Variants in CCDC91 observed in about 807,000 individuals in gnomAD.
The protein encoded by CCDC91 is coiled-coil domain-containing protein 91.
In CCDC91, 48 loss-of-function variants were observed where a neutral mutation model predicts 63.2. The observed-to-expected ratio is 0.76, with a 90% CI of 0.60 to 0.97. CCDC91 has a LOEUF of 0.97. Among genes scored for constraint, CCDC91 ranks in the 50% least tolerant of loss-of-function variants. The probability of loss-of-function intolerance (pLI) is 0.00; values close to 1 mark genes in which losing one functional copy is unlikely to be tolerated. For synonymous variants in CCDC91, 167 were observed against 165.8 expected, an observed-to-expected ratio of 1.01 and a Z score of -0.06; for missense variants, 500 against 494.6, an observed-to-expected ratio of 1.01 and a Z score of -0.10.
At chr12:28,240,228 T>G (rs1186098223) in intron 1 of CCDC91, among the ~76,000 whole-genome samples, 1 of 152,174 alleles carries the variant, frequency 6.6e-6, no homozygotes, top group African/African-American at 2.4e-5. Context: ...GATTCCCTCT[T>G]ATGCATGTTT....
At chr12:28,457,763 TAAG>T (rs1416636288) in intron 11 of CCDC91, among the ~76,000 whole-genome samples, 4 of 151,952 alleles carry the variant, frequency 2.6e-5, no homozygotes, top group Admixed American at 6.6e-5. Flanking sequence ...TCTGAGATAA[TAAG>T]AGGAAAATTT....
rs117255778 is a variant in CCDC91, at chr12:28,374,516, C to T, written c.654+12001C>T. ...TATTAATTTAAACCTTAATAAAGTG[C>T]CATATTTATTTTCCTCATGGATAAT... On this transcript the variant is annotated intron_variant, in intron 7 of 12. Transcript: ENST00000536442. Among the ~76,000 whole-genome samples, 903 of 152,238 alleles carry T rather than the reference C, an allele frequency of 5.9e-3. 8 individuals are homozygous for T. The highest frequency in any genetic ancestry group is 0.01 in the Non-Finnish European group (704 of 67,996).
At chr12:28,331,124 A>G (rs762554381) in intron 6 of CCDC91, among the ~76,000 whole-genome samples, 10 of 152,230 alleles carry the variant, frequency 6.6e-5, no homozygotes, top group Non-Finnish European at 1.5e-4. Context: ...AATGTATTAA[A>G]AAGATTAGGA....
intron 12 of CCDC91, among the ~76,000 whole-genome samples, chr12:28,511,321 A>G (rs1379251778): frequency 6.6e-6 from 1 of 151,910 alleles, no homozygotes; most frequent in Non-Finnish European, 1.5e-5. Context: ...CGGCATTCCC[A>G]TACATGAAAT....
At chr12:28,540,662 T>A (rs566678036) in intron 12 of CCDC91, among the ~76,000 whole-genome samples, 6 of 152,236 alleles carry the variant, frequency 3.9e-5, no homozygotes, top group Non-Finnish European at 2.9e-5. Flanking sequence ...ACCAAGAGAA[T>A]AAAAATTTGA....
chr12:28,412,742 C>G (rs1327519543), intron 8 of CCDC91: 1 of 453,620 alleles, frequency 2.2e-6, no homozygotes, highest in African/African-American at 2.0e-5. Context: ...TGTTCCATTT[C>G]TGTCCTTTCA....
At chr12:28,222,709 C>T (rs1944027355) in intron 1 of CCDC91, among the ~76,000 whole-genome samples, 1 of 152,112 alleles carries the variant, frequency 6.6e-6, no homozygotes, top group Non-Finnish European at 1.5e-5. Flanking sequence ...TGAAATGGAT[C>T]TAATTTGGTC....
chr12:28,284,954 A>T (rs1276748584), intron 3 of CCDC91, among the ~76,000 whole-genome samples: 1 of 152,194 alleles, frequency 6.6e-6, no homozygotes, highest in African/African-American at 2.4e-5. Context: ...CTTTGTATGA[A>T]CTCAACGTTT....
chr12:28,407,528 C>CT lies in CCDC91; in HGVS notation c.762+16121dup, dbSNP rs141730439. Among the ~76,000 whole-genome samples, 687 of 152,230 alleles carry CT rather than the reference C, an allele frequency of 4.5e-3. 5 individuals carry two copies. Among genetic ancestry groups the CT allele is most frequent in the African/African-American group, 0.016 (661 of 41,546 alleles). On this transcript the variant is annotated intron_variant, in intron 8 of 12. Coordinates refer to ENST00000536442, the MANE Select transcript of CCDC91 (RefSeq NM_018318.5). ...TTAGGTTCTTTGCATTTCCACATAA[C>CT]TTTTATAATCCAGTATTGTTTTTAT...
chr12:28,450,295 C>G (rs1592709330), intron 9 of CCDC91, 42 bp downstream of exon 9: 2 of 1,577,122 alleles, frequency 1.3e-6, no homozygotes, highest in Non-Finnish European at 1.7e-6. Context: ...AGAATGTGTT[C>G]TGTTACCTCA....
At chr12:28,268,021 T>G (rs1189077597) in intron 3 of CCDC91, among the ~76,000 whole-genome samples, 5 of 129,478 alleles carry the variant, frequency 3.9e-5, no homozygotes, top group Non-Finnish European at 7.8e-5. Flanking sequence ...GATTAATAAT[T>G]TAATTATTAA....
chr12:28,493,560 A>G (rs984945648), intron 12 of CCDC91, among the ~76,000 whole-genome samples: 4 of 151,686 alleles, frequency 2.6e-5, no homozygotes, highest in Non-Finnish European at 5.9e-5. Flanking sequence ...TGCATGGAAT[A>G]TGCCCCAACA....
intron 6 of CCDC91, among the ~76,000 whole-genome samples, chr12:28,339,980 A>G (rs923065732): frequency 6.6e-6 from 1 of 152,224 alleles, no homozygotes; most frequent in Admixed American, 6.5e-5. Flanking sequence ...ATGTATATAT[A>G]CACACACTAC....
intron 3 of CCDC91, among the ~76,000 whole-genome samples, chr12:28,273,488 C>T (rs573251651): frequency 2.4e-4 from 36 of 152,264 alleles, no homozygotes; most frequent in African/African-American, 8.4e-4. Context: ...TCTCCACATC[C>T]TCTCCAGCAC....
intron 1 of CCDC91, among the ~76,000 whole-genome samples, chr12:28,211,616 G>T (rs985608714): frequency 1.3e-5 from 2 of 152,188 alleles, no homozygotes; most frequent in Admixed American, 6.5e-5. Flanking sequence ...TGTTTAGTAA[G>T]ATTTTGTCAT....
At chr12:28,291,021 G>A (rs918844081) in intron 3 of CCDC91, among the ~76,000 whole-genome samples, 1 of 152,084 alleles carries the variant, frequency 6.6e-6, no homozygotes, top group African/African-American at 2.4e-5. Context: ...AAAATGTTAG[G>A]TTGGTGCAAA....
At chr12:28,288,738 A>C (rs1194371119) in intron 3 of CCDC91, among the ~76,000 whole-genome samples, 1 of 152,124 alleles carries the variant, frequency 6.6e-6, no homozygotes, top group Non-Finnish European at 1.5e-5. Context: ...AGTTTCTTGG[A>C]ATAGTTTCAG....
intron 3 of CCDC91, among the ~76,000 whole-genome samples, chr12:28,276,000 C>T (rs1948193418): frequency 6.6e-6 from 1 of 152,006 alleles, no homozygotes; most frequent in Admixed American, 6.6e-5. Flanking sequence ...CTATGACAAA[C>T]CCACAGCCAA....
chr12:28,377,505 G>A (rs1945022788), intron 7 of CCDC91, among the ~76,000 whole-genome samples: 2 of 151,892 alleles, frequency 1.3e-5, no homozygotes, highest in African/African-American at 4.8e-5. Context: ...CTGATTTAAA[G>A]GCGTATTTAT....
Sources: allele counts gnomAD v4.1 joint callset (sites outside exome capture counted in the v4.1 genomes callset), GRCh38; gene constraint gnomAD v4.1.1; transcripts MANE v1.5; gene names NCBI Gene and HGNC (gene_info 2026-07-23, HGNC 2026-07-21).